Variants in LATS2 observed in about 807,000 individuals in gnomAD.
LATS2 encodes the protein serine/threonine-protein kinase LATS2.
In LATS2, 24 loss-of-function variants were observed where a neutral mutation model predicts 76.0. That is an observed-to-expected ratio of 0.32 (90% CI 0.23 to 0.44). LATS2 has a LOEUF of 0.44. Among genes scored for constraint, LATS2 ranks in the 20% least tolerant of loss-of-function variants. The pLI, the probability that LATS2 is intolerant of heterozygous loss-of-function variation, is 1.00. For synonymous variants in LATS2, 692 were observed against 635.4 expected (o/e 1.09, Z -1.34); for missense variants, 1,286 against 1,481.2 (o/e 0.87, Z 2.16).
chr13:21,045,649 G>A (rs1338859086), intron 2 of LATS2, 36 bp downstream of exon 2: 1 of 1,519,162 alleles, frequency 6.6e-7, no homozygotes, highest in African/African-American at 1.4e-5. Flanking sequence ...TCCCATAGCT[G>A]CCTCTGCACA....
chr13:21,045,190 CT>C (rs1457359658), intron 2 of LATS2, among the ~76,000 whole-genome samples: 6 of 152,134 alleles, frequency 3.9e-5, no homozygotes, highest in Non-Finnish European at 7.3e-5. Context: ...GTTACACCCC[CT>C]GTAACAGCAT....
rs373729998 is a variant in LATS2 at position 20,975,337 on chromosome 13, T to C, written c.2800A>G (p.Ile934Val). ...KVINWENTLH[I>V]PAQVKLSPEA... The stretch of plus-strand genomic sequence containing the variant: ...GGGCTCAGCTTCACCTGGGCTGGAA[T>C]GTGGAGCGTGTTCTCCCAGTTGATC... Residue 934 changes from isoleucine to valine, a missense_variant, in exon 8 of 8, where the codon ATT becomes GTT. Physicochemically the swap from Ile to Val is conservative, Grantham distance 29. Around this residue, in one of 5 missense-constraint regions of LATS2, gnomAD observed 210 missense variants for 234.9 expected, o/e 0.89. Coordinates refer to ENST00000382592, the MANE Select transcript of LATS2 (RefSeq NM_014572.3). The C allele has an allele frequency of 1.4e-5, 22 of 1,578,206 alleles. No homozygotes were observed. In the African/African-American group the frequency reaches 2.3e-4, roughly 17 times the overall value.
intron 6 of LATS2, among the ~76,000 whole-genome samples, chr13:20,981,097 G>T (rs1869852508): frequency 6.6e-6 from 1 of 152,228 alleles, no homozygotes; most frequent in South Asian, 2.1e-4. Context: ...GCCTGAGACA[G>T]AAGTTAAAGC....
rs776833654 is a variant in LATS2 at position 20,991,007 on chromosome 13, G to C, written c.475+265C>G. On this transcript the variant is annotated intron_variant, in intron 3 of 7. Coordinates refer to ENST00000382592, the MANE Select transcript of LATS2 (RefSeq NM_014572.3). This position sits in a 1 kb window ranked among gnomAD's most constrained non-coding sequence, Gnocchi z 4.9. The stretch of plus-strand genomic sequence containing the variant: ...TAAAACAAGCACACACCTTCCCCTA[G>C]GTAGGAAGTACTAAGGTAATTTCAG... 8.5e-5 allele frequency among the ~76,000 whole-genome samples: 13 copies of C among 152,224 alleles called. No homozygotes were observed. Among genetic ancestry groups the C allele is most frequent in the Admixed American group, 2.0e-4 (3 of 15,274 alleles).
In LATS2 at chr13:20,990,479, TTTTTTTTTA is replaced by T. The variant is rs1274664412; in HGVS notation, c.475+784_475+792del. Among the ~76,000 whole-genome samples the T allele has an allele frequency of 2.2e-3, 301 of 138,968 alleles. 7 individuals are homozygous for T. The highest frequency in any genetic ancestry group is 3.5e-3 in the Non-Finnish European group (227 of 64,862). 91.2% of individuals were successfully genotyped at this position (138,968 alleles called of 152,430 possible). ...TACTAGGATTTTTTTTTTTTTTTTT[TTTTTTTTTA>T]AATACAGACGAGGTCTCCCTCTGTT... On this transcript the variant is annotated intron_variant, in intron 3 of 7. Transcript: ENST00000382592.
At chr13:20,994,336 C>T (rs567253835) in intron 2 of LATS2, among the ~76,000 whole-genome samples, 2 of 152,214 alleles carry the variant, frequency 1.3e-5, no homozygotes, top group African/African-American at 4.8e-5. Context: ...TACTTCCTAT[C>T]TGTACATTAA....
chr13:21,055,257 T>A (rs1358878837), intron 1 of LATS2, among the ~76,000 whole-genome samples: 2 of 152,058 alleles, frequency 1.3e-5, no homozygotes, highest in African/African-American at 4.8e-5. Flanking sequence ...ATACGGGAAA[T>A]TTTTCTTTCA....
chr13:21,054,774 T>TC (rs1185024371), intron 1 of LATS2, among the ~76,000 whole-genome samples: 1 of 152,036 alleles, frequency 6.6e-6, no homozygotes, highest in Non-Finnish European at 1.5e-5. Flanking sequence ...CTTTTTCCAT[T>TC]CCCCCCTCAA....
chr13:21,055,225 T>C (rs1478778405), intron 1 of LATS2, among the ~76,000 whole-genome samples: 1 of 152,224 alleles, frequency 6.6e-6, no homozygotes, highest in East Asian at 1.9e-4. Flanking sequence ...CATATTACTA[T>C]ACCATTTTAA....
chr13:21,012,482 C>T (rs184767678), intron 2 of LATS2, among the ~76,000 whole-genome samples: 1 of 152,244 alleles, frequency 6.6e-6, no homozygotes, highest in South Asian at 2.1e-4. Flanking sequence ...ATGGGACCAT[C>T]ATCATACATG....
intron 2 of LATS2, among the ~76,000 whole-genome samples, chr13:21,024,286 T>A (rs956455998): frequency 1.2e-4 from 18 of 150,880 alleles, no homozygotes; most frequent in Admixed American, 2.6e-4. Flanking sequence ...TAAAAAAAAA[T>A]TAGCTGGGTG....
intron 7 of LATS2, among the ~76,000 whole-genome samples, chr13:20,977,269 C>T (rs1386660376): frequency 6.6e-6 from 1 of 151,868 alleles, no homozygotes; most frequent in Non-Finnish European, 1.5e-5. Flanking sequence ...GTGGCAGGCA[C>T]CTGTAATCCC....
chr13:21,042,885 G>A (rs1872930160), intron 2 of LATS2, among the ~76,000 whole-genome samples: 1 of 152,064 alleles, frequency 6.6e-6, no homozygotes, highest in African/African-American at 2.4e-5. Context: ...TCAGGAGGCT[G>A]AGGCAGGAGA....
chr13:21,042,339 A>C (rs531231864), intron 2 of LATS2, among the ~76,000 whole-genome samples: 1 of 152,350 alleles, frequency 6.6e-6, no homozygotes, highest in South Asian at 2.1e-4. Context: ...TGGGTTTAAT[A>C]TGCAAAAATT....
At position 20,975,087 on chromosome 13, in the gene LATS2, C is replaced by A. The variant is rs1217598253; in HGVS notation, c.3050G>T (p.Gly1017Val). Residue 1017 changes from glycine to valine, a missense_variant, in exon 8 of 8, where the codon GGT becomes GTT. Physicochemically the swap from Gly to Val is moderately radical, Grantham distance 109 (BLOSUM62 -3). Around this residue, in one of 5 missense-constraint regions of LATS2, gnomAD observed 210 missense variants for 234.9 expected, o/e 0.89. Coordinates refer to ENST00000382592, the MANE Select transcript of LATS2 (RefSeq NM_014572.3). Reference protein sequence around the residue: ...EESPWNDASEGSTKAWDTLTS... With the variant: ...EESPWNDASEVSTKAWDTLTS... Reference sequence around the variant, plus strand: ...GAGTGTGTCCCAGGCCTTGGTGCTACCTTCGCTGGCATCGTTCCAAGGGCT... The same window carrying A: ...GAGTGTGTCCCAGGCCTTGGTGCTAACTTCGCTGGCATCGTTCCAAGGGCT... The A allele has an allele frequency of 3.1e-6, 5 of 1,614,104 alleles. No individual in the cohort carries two copies. Among genetic ancestry groups the A allele is most frequent in the Non-Finnish European group, 4.2e-6 (5 of 1,180,044 alleles).
intron 1 of LATS2, among the ~76,000 whole-genome samples, chr13:21,050,587 C>T (rs1175794301): frequency 6.6e-6 from 1 of 152,206 alleles, no homozygotes; most frequent in Non-Finnish European, 1.5e-5. Context: ...TGTATGAATA[C>T]ACCATAACTT....
chr13:21,024,093 C>CAAAAAAAAAAAAAA (rs748881098), intron 2 of LATS2, among the ~76,000 whole-genome samples: 6 of 79,222 alleles, frequency 7.6e-5, no homozygotes, highest in East Asian at 3.0e-4. Flanking sequence ...TCTCGCTGTG[C>CAAAAAAAAAAAAAA]AAAAAAAAAA....
chr13:21,056,969 G>A (rs1178408582), intron 1 of LATS2, among the ~76,000 whole-genome samples: 1 of 152,248 alleles, frequency 6.6e-6, no homozygotes, highest in African/African-American at 2.4e-5. Flanking sequence ...AAATGTTGGG[G>A]AGGGTGCAGG....
At chr13:21,048,432 G>A (rs1429062391) in intron 1 of LATS2, among the ~76,000 whole-genome samples, 2 of 152,090 alleles carry the variant, frequency 1.3e-5, no homozygotes, top group Non-Finnish European at 2.9e-5. Context: ...TGCAAGGGAG[G>A]GCCTGACAAT....
Sources: gnomAD v4.1 joint callset for allele counts (sites outside exome capture counted in the v4.1 genomes callset) on GRCh38, gnomAD v4.1.1 for gene constraint, gnomAD v4.1.1 regional missense constraint, Gnocchi (gnomAD v3.1) non-coding constraint, MANE v1.5 for transcripts, NCBI Gene and HGNC (gene_info 2026-07-23, HGNC 2026-07-21) for gene names.